DNAH1: variants seen among roughly 807,000 people sequenced by gnomAD.
The protein encoded by DNAH1 is dynein axonemal heavy chain 1, also known as axonemal beta dynein heavy chain 1.
Under a neutral mutation model 484.3 loss-of-function variants are expected in DNAH1, and 327 were observed. The ratio of observed to expected loss-of-function variants is 0.68; its 90% CI spans 0.62 to 0.74. The LOEUF is 0.74. DNAH1 is among the 30% of genes least tolerant of loss of function. DNAH1 has a pLI of 0.00. For missense variants in DNAH1, 5,052 were observed against 5,546.8 expected (o/e 0.91, Z 2.83); for synonymous variants, 2,192 against 2,191.9 (o/e 1.00, Z 0.00).
chr3:52,323,740 G>A, intron 2 of DNAH1, 68 bp from the exon 3 acceptor site: 14 of 1,357,104 alleles, frequency 1.0e-5, no homozygotes, highest in African/African-American at 1.4e-5. Flanking sequence ...TGGGCTCGGG[G>A]TCCCTCCCGG....
intron 3 of DNAH1, among the ~76,000 whole-genome samples, chr3:52,324,162 A>G: frequency 1.3e-5 from 2 of 152,294 alleles, no homozygotes; most frequent in East Asian, 3.9e-4. Flanking sequence ...GGCTGAGGTC[A>G]GAAGGGCATA....
intron 8 of DNAH1, among the ~76,000 whole-genome samples, chr3:52,341,903 A>G (rs976519768): frequency 5.9e-5 from 9 of 152,136 alleles, no homozygotes; most frequent in Non-Finnish European, 7.4e-5. Context: ...AGGAGTGAAC[A>G]TTTCCAACAA....
chr3:52,383,735 C>T, intron 51 of DNAH1, 125 bp from the exon 52 acceptor site: 2 of 1,404,902 alleles, frequency 1.4e-6, no homozygotes, highest in Non-Finnish European at 1.9e-6. Context: ...TGCCATTGGG[C>T]CCAGGCTGCT....
At chr3:52,389,898 G>T (rs181115963) in intron 60 of DNAH1, among the ~76,000 whole-genome samples, 7 of 152,314 alleles carry the variant, frequency 4.6e-5, no homozygotes, top group Admixed American at 2.6e-4. Flanking sequence ...GATCACCTGA[G>T]GTCAGGAGTT....
At chr3:52,322,379 G>T (rs982698805) in intron 1 of DNAH1, 30 bp from the exon 2 acceptor site, 40 of 1,499,272 alleles carry the variant, frequency 2.7e-5, no homozygotes, top group Non-Finnish European at 3.6e-5. Context: ...AGGCTGGCAA[G>T]GGCTGACTGA....
In DNAH1 at chr3:52,358,420, A is replaced by T; in HGVS notation, c.4087-138A>T. 1.0e-6 allele frequency: 1 copy of T among 970,906 alleles called. No homozygotes were observed. The highest frequency in any genetic ancestry group is 1.5e-6 in the Non-Finnish European group (1 of 676,090). 60.1% of individuals were successfully genotyped at this position (970,906 alleles called of 1,614,324 possible). ...CAGCCTGGGAAGGCCCAGCCAAGAT[A>T]GACTCTCGGGGGGACGGGAAGGCAG... On this transcript the variant is annotated intron_variant, in intron 24 of 77. Coordinates refer to ENST00000420323, the MANE Select transcript of DNAH1 (RefSeq NM_015512.5). The surrounding 1 kb of genome is among the most constrained non-coding windows in gnomAD (Gnocchi z 4.2).
intron 2 of DNAH1, 136 bp downstream of exon 2, chr3:52,322,911 A>C (rs531833904): frequency 1.2e-6 from 1 of 814,828 alleles, no homozygotes; most frequent in Non-Finnish European, 2.0e-6. Context: ...CTGTCTTTCT[A>C]TCCATCTACC....
intron 66 of DNAH1, 41 bp from the exon 67 acceptor site, chr3:52,394,424 G>A: frequency 6.2e-7 from 1 of 1,602,704 alleles, no homozygotes; most frequent in Non-Finnish European, 8.5e-7. Context: ...AGGAGGAGCT[G>A]GCCAGGGCCT....
At chr3:52,397,583 AG>A in intron 73 of DNAH1, 123 bp from the exon 74 acceptor site, 1 of 899,962 alleles carries the variant, frequency 1.1e-6, no homozygotes, top group Non-Finnish European at 1.7e-6. Flanking sequence ...GACATGCATA[AG>A]GGTTATGAGC....
At position 52,358,392 on chromosome 3, in the gene DNAH1, A is replaced by T. The variant is rs533492746; in HGVS notation, c.4087-166A>T. On this transcript the variant is annotated intron_variant, in intron 24 of 77. Transcript: ENST00000420323. The surrounding 1 kb of genome is among the most constrained non-coding windows in gnomAD (Gnocchi z 4.2). ...ACCACTGCTGGGGAGAAGGCAGGCCATCCAGCCTGGGAAGGCCCAGCCAAG... is the reference window on the plus strand; with the variant it reads ...ACCACTGCTGGGGAGAAGGCAGGCCTTCCAGCCTGGGAAGGCCCAGCCAAG... Among the ~76,000 whole-genome samples the T allele has an allele frequency of 7.9e-5, 12 of 152,034 alleles. No individual in the cohort carries two copies. In the East Asian group the frequency reaches 2.3e-3, roughly 30 times the overall value.
chr3:52,393,645 C>T (rs990085267), intron 66 of DNAH1, among the ~76,000 whole-genome samples, 160 bp downstream of exon 66: 3 of 152,168 alleles, frequency 2.0e-5, no homozygotes, highest in Non-Finnish European at 4.4e-5. Context: ...GGGCCGGGCA[C>T]GGTGACTCAT....
rs1032734651 is a variant in DNAH1, at chr3:52,379,904, G to C, written c.7378-1G>C. ...AGGCACCGATGCTGGGGCTACTGCA[G>C]GACCAAGTGCAGCTGCTGCGACTGT... On this transcript the variant is annotated splice_acceptor_variant, in intron 47 of 77. Transcript: ENST00000420323. LOFTEE classifies it high-confidence loss of function. The surrounding 1 kb of genome is among the most constrained non-coding windows in gnomAD (Gnocchi z 4.4). 1 of 1,557,420 alleles carries C rather than the reference G, an allele frequency of 6.4e-7. No individual in the cohort carries two copies. Among genetic ancestry groups the C allele is most frequent in the Non-Finnish European group, 8.7e-7 (1 of 1,150,754 alleles).
At chr3:52,390,805 C>T (rs1245485725) in intron 60 of DNAH1, 130 bp from the exon 61 acceptor site, 3 of 1,395,166 alleles carry the variant, frequency 2.2e-6, no homozygotes, top group Middle Eastern at 2.6e-4. Context: ...CACCTGCCCC[C>T]AACCTCCAAG....
chr3:52,393,772 G>A (rs537880675), intron 66 of DNAH1, among the ~76,000 whole-genome samples: 2 of 152,336 alleles, frequency 1.3e-5, no homozygotes, highest in East Asian at 1.9e-4. Flanking sequence ...GGTGGTGCAC[G>A]CCTGTAATCC....
chr3:52,399,353 G>A (rs985572136), intron 76 of DNAH1, among the ~76,000 whole-genome samples, 152 bp downstream of exon 76: 3 of 152,170 alleles, frequency 2.0e-5, no homozygotes, highest in Non-Finnish European at 2.9e-5. Context: ...TCCCAGGAAC[G>A]GGTCTGGGCT....
intron 46 of DNAH1, among the ~76,000 whole-genome samples, chr3:52,377,853 C>T (rs1481610554): frequency 1.3e-5 from 2 of 152,072 alleles, no homozygotes; most frequent in Non-Finnish European, 2.9e-5. Flanking sequence ...CAGGGCTGCC[C>T]GTAGCCCTTG....
At chr3:52,373,676 G>T in intron 44 of DNAH1, 6 of 1,396,630 alleles carry the variant, frequency 4.3e-6, no homozygotes, top group Non-Finnish European at 6.1e-6. Flanking sequence ...CTGATCAAAA[G>T]AAGTTTTTTA....
intron 44 of DNAH1, chr3:52,374,784 A>C: frequency 9.5e-7 from 1 of 1,055,766 alleles, no homozygotes; most frequent in Non-Finnish European, 1.5e-6. Context: ...TGATGACTGT[A>C]CACAACAGTC....
In DNAH1 at chr3:52,379,950, G is replaced by A. The variant is rs370585761; in HGVS notation, c.7423G>A (p.Val2475Met). The A allele has an allele frequency of 3.2e-5, 50 of 1,580,298 alleles. No individual in the cohort carries two copies. Among genetic ancestry groups the A allele is most frequent in the African/African-American group, 6.8e-5 (5 of 74,038 alleles). The change falls in exon 48 of 78, where the codon GTG (valine) becomes ATG (methionine). Residue 2475 changes from valine to methionine, a missense_variant. Val to Met is a conservative substitution (Grantham distance 21). Around this residue, in one of 4 missense-constraint regions of DNAH1, gnomAD observed 2,929 missense variants for 3,409.4 expected, o/e 0.86. Transcript: ENST00000420323. This position sits in a 1 kb window ranked among gnomAD's most constrained non-coding sequence, Gnocchi z 4.4. ...LRLWYHENCR[V>M]FRDRLVNEED... is the part of the protein sequence containing the mutation. ...ACTGTGGTATCACGAGAACTGCCGC[G>A]TGTTCCGGGACCGACTGGTGAATGA...
Sources: allele counts gnomAD v4.1 joint callset (sites outside exome capture counted in the v4.1 genomes callset), GRCh38; gene constraint gnomAD v4.1.1; regional missense constraint gnomAD v4.1.1; non-coding constraint Gnocchi (gnomAD v3.1); transcripts MANE v1.5; gene names NCBI Gene and HGNC (gene_info 2026-07-23, HGNC 2026-07-21).